The following TMEM117 variants were observed in gnomAD, a reference collection of about 807,000 sequenced individuals.
TMEM117 encodes transmembrane protein 117.
In TMEM117, 27 loss-of-function variants were observed where a neutral mutation model predicts 52.4. The ratio of observed to expected loss-of-function variants is 0.51; its 90% confidence interval spans 0.38 to 0.71. The LOEUF is 0.71. TMEM117 is among the 30% of genes least tolerant of loss of function. TMEM117 has a pLI of 0.00. For synonymous variants in TMEM117, 215 were observed against 206.3 expected, an observed-to-expected ratio of 1.04 and a Z score of -0.36; for missense variants, 556 against 630.5, an observed-to-expected ratio of 0.88 and a Z score of 1.26.
At chr12:44,314,859 T>C (rs1175512353) in intron 6 of TMEM117, among the ~76,000 whole-genome samples, 1 of 152,210 alleles carries the variant, frequency 6.6e-6, no homozygotes, top group East Asian at 1.9e-4. Flanking sequence ...GTACATGTAG[T>C]AAAATTCAGC....
intron 5 of TMEM117, among the ~76,000 whole-genome samples, chr12:44,279,428 A>G (rs1170686515): frequency 2.0e-5 from 3 of 152,216 alleles, no homozygotes; most frequent in Non-Finnish European, 4.4e-5. Context: ...TGGGAGCAGA[A>G]CACAAATTAA....
intron 6 of TMEM117, 121 bp downstream of exon 6, chr12:44,299,860 TG>T (rs2138641670): frequency 5.6e-6 from 7 of 1,244,066 alleles, no homozygotes; most frequent in Non-Finnish European, 6.7e-6. Context: ...TTACTTTTGA[TG>T]GGGCCTTCTC....
chr12:44,368,672 G>A (rs2138828928), intron 6 of TMEM117, among the ~76,000 whole-genome samples: 1 of 152,224 alleles, frequency 6.6e-6, no homozygotes, highest in Admixed American at 6.5e-5. Flanking sequence ...GGCAGCATGT[G>A]CGGAGCCAGA....
At chr12:44,310,661 C>T (rs1382620876) in intron 6 of TMEM117, among the ~76,000 whole-genome samples, 1 of 152,212 alleles carries the variant, frequency 6.6e-6, no homozygotes, top group Admixed American at 6.5e-5. Context: ...AAAATAATCA[C>T]CGGAACCTTT....
At chr12:44,301,732 T>C (rs1414039160) in intron 6 of TMEM117, among the ~76,000 whole-genome samples, 13 of 152,148 alleles carry the variant, frequency 8.5e-5, no homozygotes, top group Admixed American at 3.9e-4. Context: ...TTTCTCTTAT[T>C]GTAAAATGGC....
chr12:44,064,751 T>C (rs1178684415), intron 3 of TMEM117, among the ~76,000 whole-genome samples: 1 of 152,196 alleles, frequency 6.6e-6, no homozygotes, highest in Non-Finnish European at 1.5e-5. Flanking sequence ...AACATAGCCC[T>C]ATAATGGAGA....
rs117236701 is a variant in TMEM117 at position 44,357,442 on chromosome 12, C to T, written c.769-19153C>T. The stretch of plus-strand genomic sequence containing the variant: ...TTGACAGAGTGAATGAATAAAGAAG[C>T]ACAGCGAAGTGACTAAGTCAGAGGA... On this transcript the variant is annotated intron_variant, in intron 6 of 7. Coordinates refer to ENST00000266534, the MANE Select transcript of TMEM117 (RefSeq NM_032256.3). 1.9e-4 allele frequency among the ~76,000 whole-genome samples: 29 copies of T among 152,182 alleles called. 1 individual carries two copies. In the East Asian group the frequency reaches 5.0e-3, roughly 26 times the overall value.
intron 3 of TMEM117, among the ~76,000 whole-genome samples, chr12:43,984,708 A>C (rs920090083): frequency 2.0e-5 from 3 of 152,324 alleles, no homozygotes; most frequent in Admixed American, 2.0e-4. Context: ...TTGTGTTTGA[A>C]CCAAAGCATT....
chr12:44,203,545 G>A (rs543494601), intron 4 of TMEM117, among the ~76,000 whole-genome samples: 7 of 152,202 alleles, frequency 4.6e-5, no homozygotes, highest in African/African-American at 1.7e-4. Flanking sequence ...TATGATGTTA[G>A]GTTGTTAATC....
chr12:44,275,081 A>G (rs1950495953), intron 5 of TMEM117, among the ~76,000 whole-genome samples: 1 of 152,146 alleles, frequency 6.6e-6, no homozygotes, highest in African/African-American at 2.4e-5. Flanking sequence ...ATATATAAGG[A>G]GTTCAAACCA....
the TMEM117 span, among the ~76,000 whole-genome samples, chr12:43,827,921 G>A: frequency 5.3e-5 from 8 of 152,174 alleles, no homozygotes; most frequent in Non-Finnish European, 1.0e-4. Context: ...ACAGAAGAGA[G>A]GACGCGTGAA....
intron 3 of TMEM117, among the ~76,000 whole-genome samples, chr12:44,125,246 A>G (rs911838859): frequency 6.6e-6 from 1 of 152,104 alleles, no homozygotes; most frequent in Non-Finnish European, 1.5e-5. Context: ...CTGGGACTAC[A>G]GGCGTCCGCC....
Position 43,921,327 on chromosome 12 carries a change from T to C in TMEM117, c.278-22883T>C, listed in dbSNP as rs114678010. On this transcript the variant is annotated intron_variant, in intron 2 of 7. Coordinates refer to ENST00000266534, the MANE Select transcript of TMEM117 (RefSeq NM_032256.3). ...TATTTGGTGGATGAAGGAAAGTGTT[T>C]TGCTTGTTTTCCAGTGTTCAGTTTC... is the stretch of plus-strand genomic sequence containing the variant. Among the ~76,000 whole-genome samples the C allele has an allele frequency of 7.7e-3, 1,166 of 152,330 alleles. 18 individuals are homozygous for C. Among genetic ancestry groups the C allele is most frequent in the African/African-American group, 0.027 (1,110 of 41,574 alleles).
intron 3 of TMEM117, among the ~76,000 whole-genome samples, chr12:44,022,490 G>A (rs183946846): frequency 1.3e-5 from 2 of 152,266 alleles, no homozygotes; most frequent in Admixed American, 1.3e-4. Flanking sequence ...ATGAAAAGAT[G>A]TCTCCTTTAA....
intron 2 of TMEM117, among the ~76,000 whole-genome samples, chr12:43,863,752 C>T (rs1461490964): frequency 6.6e-6 from 1 of 152,210 alleles, no homozygotes; most frequent in Non-Finnish European, 1.5e-5. Flanking sequence ...CCTCGCAGCC[C>T]TCACTCACTC....
At position 43,884,057 on chromosome 12, in the gene TMEM117, G is replaced by A. The variant is rs1459979588; in HGVS notation, c.277+39129G>A. On this transcript the variant is annotated intron_variant, in intron 2 of 7. Coordinates refer to ENST00000266534, the MANE Select transcript of TMEM117 (RefSeq NM_032256.3). ...AAGCTGAGGTGAGAGGCTCTCTTGG[G>A]CACAGAAGGTCAAGGCTGCAGTGAG... is the stretch of plus-strand genomic sequence containing the variant. 4.0e-5 allele frequency among the ~76,000 whole-genome samples: 6 copies of A among 150,804 alleles called. No individual in the cohort carries two copies. In the South Asian group the frequency reaches 6.3e-4, roughly 16 times the overall value.
intron 2 of TMEM117, among the ~76,000 whole-genome samples, chr12:43,927,463 TTTGCATGAC>T (rs1405568971): frequency 2.0e-5 from 3 of 151,340 alleles, no homozygotes; most frequent in African/African-American, 7.3e-5. Context: ...TTTTTTTTGG[TTTGCATGAC>T]TTATTAAATG....
chr12:44,088,468 A>G (rs978299111), intron 3 of TMEM117, among the ~76,000 whole-genome samples: 3 of 152,202 alleles, frequency 2.0e-5, no homozygotes, highest in African/African-American at 4.8e-5. Context: ...TTTTTCCATT[A>G]TATTGTATTT....
intron 3 of TMEM117, among the ~76,000 whole-genome samples, chr12:44,134,919 A>G (rs538929221): frequency 6.6e-6 from 1 of 152,146 alleles, no homozygotes; most frequent in Non-Finnish European, 1.5e-5. Flanking sequence ...AAGTGCTGGT[A>G]TGCATGTCCC....
Sources: allele counts gnomAD v4.1 joint callset (sites outside exome capture counted in the v4.1 genomes callset), GRCh38; gene constraint gnomAD v4.1.1; transcripts MANE v1.5; gene names NCBI Gene and HGNC (gene_info 2026-07-23, HGNC 2026-07-21).